Variants in LINGO2 observed in about 807,000 individuals in gnomAD.
LINGO2 encodes leucine-rich repeat and immunoglobulin-like domain-containing nogo receptor-interacting protein 2.
LINGO2 carries 14 observed loss-of-function variants against 30.6 expected under a neutral mutation model. The ratio of observed to expected loss-of-function variants is 0.46; its 90% CI spans 0.30 to 0.72. LINGO2 has a LOEUF of 0.72. Ranked by LOEUF, LINGO2 falls within the 30% of genes least tolerant of loss-of-function variation. The pLI is 0.07. For synonymous variants in LINGO2, 317 were observed against 288.5 expected, an observed-to-expected ratio of 1.10 and a Z score of -1.00; for missense variants, 729 against 751.7, an observed-to-expected ratio of 0.97 and a Z score of 0.35.
chr9:28,887,595 A>C, the LINGO2 span, among the ~76,000 whole-genome samples: 11 of 152,254 alleles, frequency 7.2e-5, no homozygotes, highest in African/African-American at 2.6e-4. Context: ...CATCACAACA[A>C]GCTACTGGAA....
the LINGO2 span, among the ~76,000 whole-genome samples, chr9:28,727,337 A>G: frequency 6.6e-6 from 1 of 151,800 alleles, no homozygotes; most frequent in Non-Finnish European, 1.5e-5. Flanking sequence ...CCAGGCTGGA[A>G]TGCAGTGGTG....
At chr9:28,594,748 G>A (rs1358170416) in intron 1 of LINGO2, among the ~76,000 whole-genome samples, 1 of 152,016 alleles carries the variant, frequency 6.6e-6, no homozygotes, top group African/African-American at 2.4e-5. Flanking sequence ...GGATTATCTA[G>A]TCCATCAGAG....
the LINGO2 span, chr9:27,937,961 T>C: frequency 6.6e-6 from 1 of 152,134 alleles, no homozygotes; most frequent in Non-Finnish European, 1.5e-5. Context: ...GTTAAAACAA[T>C]GATACAGAAA....
chr9:28,364,964 G>A (rs1223870427), intron 3 of LINGO2, among the ~76,000 whole-genome samples: 1 of 152,014 alleles, frequency 6.6e-6, no homozygotes, highest in Admixed American at 6.5e-5. Context: ...TAAATACCAA[G>A]AAGAATAGGA....
chr9:28,100,803 T>C (rs1056983185), intron 4 of LINGO2, among the ~76,000 whole-genome samples: 1 of 152,192 alleles, frequency 6.6e-6, no homozygotes, highest in Non-Finnish European at 1.5e-5. Flanking sequence ...CTTCAATGTC[T>C]GACTTATTAG....
chr9:29,191,457 T>C, the LINGO2 span, among the ~76,000 whole-genome samples: 1 of 152,116 alleles, frequency 6.6e-6, no homozygotes, highest in African/African-American at 2.4e-5. Flanking sequence ...GACAGGTTAT[T>C]AGGTTTTGTT....
the LINGO2 span, among the ~76,000 whole-genome samples, chr9:29,159,871 T>G: frequency 1.3e-5 from 2 of 151,706 alleles, no homozygotes; most frequent in African/African-American, 4.8e-5. Context: ...ATCATGAAAC[T>G]TTCTCATTCA....
chr9:28,972,652 A>G, the LINGO2 span, among the ~76,000 whole-genome samples: 1 of 152,194 alleles, frequency 6.6e-6, no homozygotes, highest in African/African-American at 2.4e-5. Flanking sequence ...GCTGCTAATA[A>G]TGACATATTG....
chr9:28,687,133 T>C, the LINGO2 span, among the ~76,000 whole-genome samples: 1 of 152,084 alleles, frequency 6.6e-6, no homozygotes, highest in South Asian at 2.1e-4. Flanking sequence ...TGGAAGTCAG[T>C]AAATTACACA....
At chr9:28,841,613 G>T in the LINGO2 span, among the ~76,000 whole-genome samples, 1 of 151,370 alleles carries the variant, frequency 6.6e-6, no homozygotes, top group Non-Finnish European at 1.5e-5. Flanking sequence ...GATGACAACG[G>T]CAATGAAAAA....
chr9:29,086,595 C>G, the LINGO2 span, among the ~76,000 whole-genome samples: 1 of 151,974 alleles, frequency 6.6e-6, no homozygotes. Flanking sequence ...TAATGTTCTT[C>G]TAGGAAAGTA....
chr9:28,767,121 G>A, the LINGO2 span, among the ~76,000 whole-genome samples: 1 of 152,186 alleles, frequency 6.6e-6, no homozygotes, highest in Non-Finnish European at 1.5e-5. Flanking sequence ...AGGTCAAAGA[G>A]TACAAACTTT....
chr9:29,175,344 G>A, the LINGO2 span, among the ~76,000 whole-genome samples: 7 of 152,062 alleles, frequency 4.6e-5, no homozygotes, highest in African/African-American at 1.7e-4. Context: ...ATCCTTTGTT[G>A]ATATAAAAAT....
the LINGO2 span, among the ~76,000 whole-genome samples, chr9:28,839,223 C>A: frequency 6.6e-6 from 1 of 152,178 alleles, no homozygotes; most frequent in Non-Finnish European, 1.5e-5. Context: ...TGTGTTACAC[C>A]TCTTTCAGTC....
At chr9:28,634,532 C>T (rs915694651) in intron 1 of LINGO2, among the ~76,000 whole-genome samples, 11 of 141,242 alleles carry the variant, frequency 7.8e-5, no homozygotes, top group African/African-American at 3.0e-4. Context: ...GTAACCCAGG[C>T]TGGAGTGCAG....
At chr9:29,037,523 G>A in the LINGO2 span, among the ~76,000 whole-genome samples, 76 of 151,976 alleles carry the variant, frequency 5.0e-4, no homozygotes, top group South Asian at 2.1e-4. Flanking sequence ...ATTGATCAGC[G>A]ATGCCACACT....
the LINGO2 span, among the ~76,000 whole-genome samples, chr9:28,797,329 CATATATATATATAT>C: frequency 1.2e-4 from 8 of 65,950 alleles, no homozygotes; most frequent in South Asian, 1.8e-3. Flanking sequence ...ATCATATATA[CATATATATATATAT>C]ATATATATAT....
At chr9:28,024,967 T>G (rs1297404368) in intron 4 of LINGO2, among the ~76,000 whole-genome samples, 3 of 152,150 alleles carry the variant, frequency 2.0e-5, no homozygotes. Flanking sequence ...CCCTCATTTG[T>G]TTTGCTGCCT....
the LINGO2 span, among the ~76,000 whole-genome samples, chr9:29,055,940 G>GTATATATATATATGTGTGTATA: frequency 8.3e-6 from 1 of 119,980 alleles, no homozygotes; most frequent in South Asian, 2.6e-4. Flanking sequence ...ATGTGTGTGT[G>GTATATATATATATGTGTGTATA]TATATATACA....
Sources: allele counts gnomAD v4.1 joint callset (sites outside exome capture counted in the v4.1 genomes callset), GRCh38; gene constraint gnomAD v4.1.1; transcripts MANE v1.5; gene names NCBI Gene and HGNC (gene_info 2026-07-23, HGNC 2026-07-21).